MRPL16: variants seen among roughly 807,000 people sequenced by gnomAD.
The protein encoded by MRPL16 is large ribosomal subunit protein uL16m.
A neutral mutation model predicts 22.7 loss-of-function variants in MRPL16; 17 were observed. That is an observed-to-expected ratio of 0.75 (90% CI 0.51 to 1.12). The LOEUF (loss-of-function observed/expected upper bound fraction) is 1.12, where lower values mean the gene tolerates loss of function less well. MRPL16 is among the 50% of genes most tolerant of loss of function. The pLI, the probability that MRPL16 is intolerant of heterozygous loss-of-function variation, is 0.00. For synonymous variants in MRPL16, 103 were observed against 112.8 expected (o/e 0.91, Z 0.55); for missense variants, 316 against 328.7 (o/e 0.96, Z 0.30).
At chr11:59,806,961 G>A (rs753095426) in intron 3 of MRPL16, 129 bp from the exon 4 acceptor site, 291 of 1,324,228 alleles carry the variant, frequency 2.2e-4, no homozygotes, top group Middle Eastern at 1.0e-3. Context: ...GTTCTAATAA[G>A]TCCCATGGAG....
intron 1 of MRPL16, 37 bp from the exon 2 acceptor site, chr11:59,809,957 A>C: frequency 6.4e-7 from 1 of 1,558,648 alleles, no homozygotes; most frequent in Non-Finnish European, 8.8e-7. Flanking sequence ...CGAAGGTAAC[A>C]GGCCGGGACC....
intron 3 of MRPL16, 194 bp downstream of exon 3, chr11:59,807,507 T>G: frequency 2.2e-6 from 1 of 447,658 alleles, no homozygotes; most frequent in Non-Finnish European, 3.8e-6. Context: ...TCACTCTACA[T>G]TAAAAAAAAA....
At chr11:59,809,702 A>G in intron 2 of MRPL16, 153 bp downstream of exon 2, 1 of 756,102 alleles carries the variant, frequency 1.3e-6, no homozygotes, top group Non-Finnish European at 2.2e-6. Context: ...AGTGCTCAGA[A>G]TATTAGTTGG....
intron 1 of MRPL16, 24 bp from the exon 2 acceptor site, chr11:59,809,944 C>G: frequency 6.2e-7 from 1 of 1,602,028 alleles, no homozygotes; most frequent in South Asian, 1.1e-5. Context: ...TCAAGTTAAA[C>G]GACGAAGGTA....
At chr11:59,810,214 G>T (rs2135068497) in intron 1 of MRPL16, 10 of 952,334 alleles carry the variant, frequency 1.1e-5, no homozygotes, top group Non-Finnish European at 1.2e-5. Flanking sequence ...TCACCATGTT[G>T]GCCAGGCTGG....
In MRPL16 at chr11:59,807,823, G is replaced by A; in HGVS notation, c.148C>T (p.Leu50Phe). Residue 50 changes from leucine to phenylalanine, a missense_variant, in exon 3 of 4, where the codon CTT (leucine) becomes TTT (phenylalanine). Leu to Phe is a conservative substitution (Grantham distance 22). Transcript: ENST00000300151. ...AGTGGTGCCCTTTCAATAAATCTAA[G>A]CTTGGGTTTTTCAGGAATGGAAACA... ...EDVSIPEKPK[L>F]RFIERAPLVP... is the part of the protein sequence containing the mutation. 1 of 1,609,864 alleles carries A rather than the reference G, an allele frequency of 6.2e-7. No individual in the cohort carries two copies. The highest frequency in any genetic ancestry group is 1.3e-5 in the African/African-American group (1 of 74,836).
chr11:59,807,542 C>A, intron 3 of MRPL16, 159 bp downstream of exon 3: 2 of 608,356 alleles, frequency 3.3e-6, no homozygotes, highest in Non-Finnish European at 5.3e-6. Flanking sequence ...CAAATGTTTA[C>A]TGGGTACCCA....
intron 1 of MRPL16, 110 bp from the exon 2 acceptor site, chr11:59,810,030 G>A: frequency 5.3e-6 from 5 of 935,932 alleles, no homozygotes; most frequent in Non-Finnish European, 7.7e-6. Flanking sequence ...TTTTGAGACG[G>A]AGTCTTACTC....
chr11:59,810,448 A>G, intron 1 of MRPL16, 156 bp downstream of exon 1: 1 of 1,472,752 alleles, frequency 6.8e-7, no homozygotes, highest in Middle Eastern at 2.1e-4. Flanking sequence ...TCTTGCACGA[A>G]CCCCTACGGT....
At chr11:59,808,145 C>T (rs1338729532) in intron 2 of MRPL16, among the ~76,000 whole-genome samples, 2 of 152,168 alleles carry the variant, frequency 1.3e-5, no homozygotes, top group Non-Finnish European at 2.9e-5. Flanking sequence ...TTTGCAGATG[C>T]TTTTAGTGAC....
chr11:59,807,913 A>C, intron 2 of MRPL16, 64 bp from the exon 3 acceptor site: 1 of 1,452,020 alleles, frequency 6.9e-7, no homozygotes, highest in South Asian at 1.4e-5. Context: ...CTATTTTCCT[A>C]GAAAGATTTA....
intron 2 of MRPL16, 78 bp downstream of exon 2, chr11:59,809,777 A>G (rs1866154229): frequency 1.6e-6 from 2 of 1,276,686 alleles, no homozygotes; most frequent in African/African-American, 1.5e-5. Flanking sequence ...ACACGAGAAC[A>G]TTCCTATGTC....
intron 3 of MRPL16, 111 bp downstream of exon 3, chr11:59,807,590 G>A: frequency 1.6e-6 from 2 of 1,224,584 alleles, no homozygotes; most frequent in Non-Finnish European, 2.3e-6. Context: ...AGCAACTGGT[G>A]GCAGTTCTAA....
rs1866095002 is a variant in MRPL16, at chr11:59,806,539, CTTTG to C, written c.560_563del (p.Ala187GlyfsTer3). 6.2e-7 allele frequency: 1 copy of C among 1,614,244 alleles called. No homozygotes were observed. Among genetic ancestry groups the C allele is most frequent in the Non-Finnish European group, 8.5e-7 (1 of 1,180,046 alleles). On this transcript the variant is annotated frameshift_variant, in exon 4 of 4. Transcript: ENST00000300151. LOFTEE classifies it high-confidence loss of function. ...TCTCTAGAGTCCCGCGGCTCACAGCCTTTGCTGCGAAGGGCAACTTGTGGGCAAC... is the reference window on the plus strand; with the variant it reads ...TCTCTAGAGTCCCGCGGCTCACAGCCCTGCGAAGGGCAACTTGTGGGCAAC...
At position 59,806,144 on chromosome 11, in the gene MRPL16, G is replaced by T; in HGVS notation, c.*203C>A. 1.8e-6 allele frequency: 1 copy of T among 559,338 alleles called. No homozygotes were observed. The highest frequency in any genetic ancestry group is 3.0e-6 in the Non-Finnish European group (1 of 329,056). 34.6% of individuals were successfully genotyped at this position (559,338 alleles called of 1,614,324 possible). ...AATGACCAATGAGAAGTTATATCCT[G>T]AAGTGATGTTTAAATTTTATTTAAT... On this transcript the variant is annotated 3_prime_UTR_variant, in exon 4 of 4. Transcript: ENST00000300151.
chr11:59,807,748 G>T lies in MRPL16; in HGVS notation c.223C>A (p.Pro75Thr). The T allele has an allele frequency of 6.2e-7, 1 of 1,613,376 alleles. No homozygotes were observed. The highest frequency in any genetic ancestry group is 8.5e-7 in the Non-Finnish European group (1 of 1,179,752). Reference sequence around the variant, plus strand: ...GTAAACTCCGTAGCTTCAGTGGAAGGTCCCCGTATGTCACTTAAATTTTTA... The same window carrying T: ...GTAAACTCCGTAGCTTCAGTGGAAGTTCCCCGTATGTCACTTAAATTTTTA... ...EPKNLSDIRG[P>T]STEATEFTEG... The change falls in exon 3 of 4, where the codon CCT (proline) becomes ACT (threonine). Residue 75 changes from proline to threonine, a missense_variant. Physicochemically the swap from Pro to Thr is conservative, Grantham distance 38. Coordinates refer to ENST00000300151, the MANE Select transcript of MRPL16 (RefSeq NM_017840.4).
In MRPL16 at chr11:59,807,947, TTTC is replaced by T. The variant is rs1435830499; in HGVS notation, c.122-101_122-99del. On this transcript the variant is annotated intron_variant, in intron 2 of 3. Transcript: ENST00000300151. ...TATAACAGGTGAAAGTCTTAATTTC[TTTC>T]TTCTTCATTTTTTGGTAGAGACAGG... is the stretch of plus-strand genomic sequence containing the variant. 9 of 1,349,168 alleles carry T rather than the reference TTTC, an allele frequency of 6.7e-6. No individual in the cohort carries two copies. The East Asian group carries it at 7.4e-5, about 11-fold the overall frequency. 83.6% of individuals were successfully genotyped at this position (1,349,168 alleles called of 1,614,324 possible).
chr11:59,807,620 G>A, intron 3 of MRPL16, 81 bp downstream of exon 3: 3 of 1,455,318 alleles, frequency 2.1e-6, no homozygotes, highest in East Asian at 2.3e-5. Flanking sequence ...TGGAGGAAGA[G>A]ACTAAATTAT....
chr11:59,809,734 CAT>C (rs1866153945), intron 2 of MRPL16, 119 bp downstream of exon 2: 12 of 893,818 alleles, frequency 1.3e-5, no homozygotes, highest in Middle Eastern at 3.3e-4. Flanking sequence ...GCTCTAAAAA[CAT>C]ATTTATTGAA....
Sources: gnomAD v4.1 joint callset for allele counts (sites outside exome capture counted in the v4.1 genomes callset) on GRCh38, gnomAD v4.1.1 for gene constraint, MANE v1.5 for transcripts, NCBI Gene and HGNC (gene_info 2026-07-23, HGNC 2026-07-21) for gene names.